Variants in RALYL observed in about 807,000 individuals in gnomAD.
RALYL encodes the protein RALY RNA binding protein like.
Under a neutral mutation model 35.1 loss-of-function variants are expected in RALYL, and 29 were observed. The observed-to-expected ratio is 0.83, with a 90% CI of 0.61 to 1.13. RALYL has a LOEUF of 1.13. Among genes scored for constraint, RALYL ranks in the 50% most tolerant of loss-of-function variants. The pLI, the probability that RALYL is intolerant of heterozygous loss-of-function variation, is 0.00. For synonymous variants in RALYL, 120 were observed against 127.6 expected (o/e 0.94, Z 0.40); for missense variants, 359 against 360.4 (o/e 1.00, Z 0.03).
intron 4 of RALYL, among the ~76,000 whole-genome samples, chr8:84,846,640 T>A (rs988898512): frequency 2.0e-5 from 3 of 152,190 alleles, no homozygotes; most frequent in Non-Finnish European, 4.4e-5. Context: ...ATACATCTGA[T>A]CATGAGCTTT....
intron 2 of RALYL, among the ~76,000 whole-genome samples, chr8:84,539,608 A>T (rs2059850831): frequency 6.6e-6 from 1 of 151,884 alleles, no homozygotes; most frequent in South Asian, 2.1e-4. Flanking sequence ...CCATAAAGAC[A>T]TGCTTCTGTG....
At chr8:84,867,988 A>C (rs1839488161) in intron 6 of RALYL, among the ~76,000 whole-genome samples, 1 of 151,782 alleles carries the variant, frequency 6.6e-6, no homozygotes, top group African/African-American at 2.4e-5. Context: ...CATTTTTACT[A>C]TTTCTCTTTT....
intron 1 of RALYL, among the ~76,000 whole-genome samples, chr8:84,288,102 G>A (rs1838016572): frequency 6.6e-6 from 1 of 152,182 alleles, no homozygotes; most frequent in African/African-American, 2.4e-5. Flanking sequence ...AAACAGAGCT[G>A]AGCATCGGAG....
chr8:84,581,139 G>A (rs573015144), intron 2 of RALYL, among the ~76,000 whole-genome samples: 4 of 152,160 alleles, frequency 2.6e-5, no homozygotes, highest in Admixed American at 6.5e-5. Context: ...GACCAAAGTT[G>A]CATTGCCTTA....
intron 2 of RALYL, among the ~76,000 whole-genome samples, chr8:84,601,492 G>C (rs116314115): frequency 6.6e-6 from 1 of 151,992 alleles, no homozygotes; most frequent in Admixed American, 6.6e-5. Context: ...AGTTTCTGCC[G>C]GGAAGCCTAC....
At chr8:84,665,910 CTT>C (rs969936491) in intron 2 of RALYL, 11 of 151,882 alleles carry the variant, frequency 7.2e-5, no homozygotes, top group African/African-American at 2.7e-4. Flanking sequence ...TTTCATCTCT[CTT>C]ATATCATAAT....
intron 1 of RALYL, among the ~76,000 whole-genome samples, chr8:84,194,609 A>G (rs1297547853): frequency 6.6e-6 from 1 of 152,174 alleles, no homozygotes; most frequent in Non-Finnish European, 1.5e-5. Flanking sequence ...GCTATGGAGT[A>G]TTTGTTAATA....
At chr8:84,913,023 G>GGT (rs1847773827) in intron 8 of RALYL, among the ~76,000 whole-genome samples, 4 of 138,810 alleles carry the variant, frequency 2.9e-5, no homozygotes, top group African/African-American at 1.1e-4. Flanking sequence ...TGGATGGATG[G>GGT]ATGGATGGAT....
chr8:84,548,139 C>T (rs991210230), intron 2 of RALYL, among the ~76,000 whole-genome samples: 1 of 151,464 alleles, frequency 6.6e-6, no homozygotes, highest in African/African-American at 2.4e-5. Flanking sequence ...CTAACTTCTA[C>T]GTTTATCACT....
intron 8 of RALYL, among the ~76,000 whole-genome samples, chr8:84,920,548 C>G (rs1262131240): frequency 6.6e-6 from 1 of 152,020 alleles, no homozygotes; most frequent in Non-Finnish European, 1.5e-5. Flanking sequence ...AGGGGCACAA[C>G]AAAGATTCAC....
chr8:84,571,237 G>A (rs192039868), intron 2 of RALYL, among the ~76,000 whole-genome samples: 59 of 151,726 alleles, frequency 3.9e-4, no homozygotes, highest in African/African-American at 1.3e-3. Context: ...GAATCCATCT[G>A]GTCCTGGGAT....
At chr8:84,391,902 C>T (rs1453637097) in intron 1 of RALYL, among the ~76,000 whole-genome samples, 1 of 151,948 alleles carries the variant, frequency 6.6e-6, no homozygotes, top group African/African-American at 2.4e-5. Context: ...GAAGGTCTCA[C>T]TTTTGTTCAT....
At chr8:84,638,659 G>C (rs1825576214) in intron 2 of RALYL, among the ~76,000 whole-genome samples, 1 of 151,176 alleles carries the variant, frequency 6.6e-6, no homozygotes, top group African/African-American at 2.4e-5. Context: ...ATGGTGTAGG[G>C]AACTAAAAGG....
intron 1 of RALYL, among the ~76,000 whole-genome samples, chr8:84,494,718 G>A (rs771099526): frequency 2.6e-5 from 4 of 152,040 alleles, no homozygotes; most frequent in Non-Finnish European, 5.9e-5. Context: ...TGGTGTATAG[G>A]AGTGCTTGTA....
chr8:84,210,964 A>G (rs1272905746), intron 1 of RALYL, among the ~76,000 whole-genome samples: 1 of 152,090 alleles, frequency 6.6e-6, no homozygotes, highest in African/African-American at 2.4e-5. Flanking sequence ...GCAGTTTTCT[A>G]TAATGTTTAA....
rs935560961 is a variant in RALYL at position 84,349,759 on chromosome 8, G to T, written c.-24+165335G>T. On this transcript the variant is annotated intron_variant, in intron 1 of 8. Coordinates refer to ENST00000521268, the MANE Select transcript of RALYL (RefSeq NM_173848.7). ...TTGAGGCTACATCTTCAAGAGATAT[G>T]CTTAGAAGCATATCACAAGGCTGGC... 1.6e-4 allele frequency among the ~76,000 whole-genome samples: 24 copies of T among 150,418 alleles called. 4 individuals carry two copies. Among genetic ancestry groups the T allele is most frequent in the African/African-American group, 5.9e-4 (24 of 40,442 alleles).
rs2058569117 is a variant in RALYL at position 84,522,824 on chromosome 8, A to G, written c.-23-6475A>G. ...TTTCCTGGGTTTTTGAATAGTGTAT[A>G]TATTAATATTGCTGGTGGACTCTCA... On this transcript the variant is annotated intron_variant, in intron 1 of 8. Coordinates refer to ENST00000521268, the MANE Select transcript of RALYL (RefSeq NM_173848.7). Among the ~76,000 whole-genome samples the G allele has an allele frequency of 2.0e-5, 3 of 152,076 alleles. No individual in the cohort carries two copies. In the South Asian group the frequency reaches 6.2e-4, roughly 32 times the overall value.
chr8:84,369,831 G>C (rs897514816), intron 1 of RALYL, among the ~76,000 whole-genome samples: 7 of 151,944 alleles, frequency 4.6e-5, no homozygotes, highest in Admixed American at 4.6e-4. Flanking sequence ...AAATTCTTAC[G>C]AATTTTTTTC....
intron 8 of RALYL, among the ~76,000 whole-genome samples, chr8:84,891,713 G>A (rs1295824451): frequency 6.6e-6 from 1 of 152,168 alleles, no homozygotes; most frequent in Non-Finnish European, 1.5e-5. Context: ...AATCCGGATT[G>A]AAACTAAGGA....
Sources: allele counts gnomAD v4.1 joint callset (sites outside exome capture counted in the v4.1 genomes callset), GRCh38; gene constraint gnomAD v4.1.1; transcripts MANE v1.5; gene names NCBI Gene and HGNC (gene_info 2026-07-23, HGNC 2026-07-21).